Variants in NELL1 observed in about 807,000 individuals in gnomAD.
NELL1 encodes protein kinase C-binding protein NELL1.
NELL1 carries 76 observed loss-of-function variants against 107.4 expected under a neutral mutation model. The observed-to-expected ratio is 0.71, with a 90% CI of 0.59 to 0.86. The LOEUF (loss-of-function observed/expected upper bound fraction) is 0.86. Ranked by LOEUF, NELL1 falls within the 40% of genes least tolerant of loss-of-function variation. The pLI is 0.00. For synonymous variants in NELL1, 353 were observed against 341.2 expected, an observed-to-expected ratio of 1.03 and a Z score of -0.38; for missense variants, 1,024 against 1,005.5, an observed-to-expected ratio of 1.02 and a Z score of -0.25.
chr11:21,239,900 C>T (rs987598317), intron 14 of NELL1, among the ~76,000 whole-genome samples: 2 of 151,944 alleles, frequency 1.3e-5, no homozygotes, highest in Non-Finnish European at 2.9e-5. Context: ...GAGATATTTG[C>T]TCTGCTGATA....
intron 13 of NELL1, among the ~76,000 whole-genome samples, chr11:21,150,168 G>A (rs1445776500): frequency 6.6e-6 from 1 of 152,180 alleles, no homozygotes; most frequent in Non-Finnish European, 1.5e-5. Flanking sequence ...GATGTCACAG[G>A]AGTTCCTTGA....
chr11:21,209,517 C>A (rs956820698), intron 13 of NELL1, among the ~76,000 whole-genome samples: 26 of 151,720 alleles, frequency 1.7e-4, no homozygotes, highest in African/African-American at 5.6e-4. Flanking sequence ...GTTTTTACAT[C>A]CCCTTCTTAA....
At chr11:21,558,260 A>G (rs990663207) in intron 16 of NELL1, among the ~76,000 whole-genome samples, 1 of 152,020 alleles carries the variant, frequency 6.6e-6, no homozygotes, top group Non-Finnish European at 1.5e-5. Context: ...ATAGGAAACA[A>G]TATGGCCTCT....
chr11:21,495,315 AT>A (rs2133922883), intron 15 of NELL1, among the ~76,000 whole-genome samples: 1 of 152,148 alleles, frequency 6.6e-6, no homozygotes, highest in South Asian at 2.1e-4. Context: ...AGGTTCACTC[AT>A]GTTATAGCAT....
chr11:21,026,998 A>C (rs16907291), intron 12 of NELL1, among the ~76,000 whole-genome samples: 1 of 152,012 alleles, frequency 6.6e-6, no homozygotes, highest in African/African-American at 2.4e-5. Context: ...ATGACATGGC[A>C]TTTCCCAGCA....
intron 2 of NELL1, among the ~76,000 whole-genome samples, chr11:20,727,548 C>G (rs943072463): frequency 1.3e-5 from 2 of 152,104 alleles, no homozygotes; most frequent in East Asian, 1.9e-4. Flanking sequence ...CTGTAGGTTG[C>G]CTGTTCACTC....
intron 3 of NELL1, among the ~76,000 whole-genome samples, chr11:20,841,423 C>A (rs1340583910): frequency 1.3e-5 from 2 of 150,204 alleles, no homozygotes; most frequent in African/African-American, 2.5e-5. Context: ...AGGGAGAAGG[C>A]GGGGTATAGA....
At chr11:20,693,758 T>C (rs373583292) in intron 2 of NELL1, among the ~76,000 whole-genome samples, 1 of 151,876 alleles carries the variant, frequency 6.6e-6, no homozygotes, top group East Asian at 1.9e-4. Flanking sequence ...CTGACAATTA[T>C]GTGTCTTGGA....
chr11:21,192,794 C>A (rs11823347), intron 13 of NELL1, among the ~76,000 whole-genome samples: 8,917 of 151,736 alleles, frequency 0.059, 309 homozygotes, highest in East Asian at 0.14. Context: ...TCTGGGCATA[C>A]AATTAGTCTA....
intron 17 of NELL1, 135 bp downstream of exon 17, chr11:21,560,517 A>T (rs753508754): frequency 1.4e-6 from 1 of 728,856 alleles, no homozygotes; most frequent in Non-Finnish European, 2.2e-6. Flanking sequence ...TATCTACATT[A>T]CAGCTAATGA....
At chr11:21,165,314 GC>G (rs1248304051) in intron 13 of NELL1, among the ~76,000 whole-genome samples, 1 of 152,056 alleles carries the variant, frequency 6.6e-6, no homozygotes, top group African/African-American at 2.4e-5. Flanking sequence ...TCTCAGGTAG[GC>G]CCAAATTTTA....
chr11:21,371,066 G>C (rs1463593712), intron 15 of NELL1, 118 bp downstream of exon 15: 3 of 757,340 alleles, frequency 4.0e-6, no homozygotes, highest in Non-Finnish European at 4.2e-6. Flanking sequence ...ACATTGTGTT[G>C]TGACGGTGGA....
At chr11:20,799,546 T>C (rs1564913864) in intron 3 of NELL1, among the ~76,000 whole-genome samples, 1 of 152,184 alleles carries the variant, frequency 6.6e-6, no homozygotes, top group African/African-American at 2.4e-5. Context: ...CTTTCCCCCT[T>C]CTTATTGATT....
chr11:21,227,945 T>C (rs1857936615), intron 13 of NELL1, among the ~76,000 whole-genome samples: 1 of 152,182 alleles, frequency 6.6e-6, no homozygotes. Flanking sequence ...AAAATAAAAA[T>C]AAATGAAGAT....
chr11:21,199,659 T>A (rs1463544117), intron 13 of NELL1, among the ~76,000 whole-genome samples: 1 of 152,180 alleles, frequency 6.6e-6, no homozygotes, highest in African/African-American at 2.4e-5. Flanking sequence ...TTCTTTTTTT[T>A]AATTATACTT....
chr11:21,145,296 G>A (rs922511616), intron 13 of NELL1, among the ~76,000 whole-genome samples: 2 of 152,114 alleles, frequency 1.3e-5, no homozygotes, highest in Non-Finnish European at 2.9e-5. Context: ...CTTATAAGTG[G>A]TAGAATTGGT....
chr11:20,929,395 A>G (rs1025033321), intron 9 of NELL1, among the ~76,000 whole-genome samples: 61 of 152,236 alleles, frequency 4.0e-4, no homozygotes, highest in Admixed American at 1.8e-3. Context: ...CAGCAGCCCA[A>G]ATAATTGTTG....
In NELL1 at chr11:21,574,595, C is replaced by T. The variant is rs76814512; in HGVS notation, c.2383-377C>T. Among the ~76,000 whole-genome samples the T allele has an allele frequency of 1.1e-3, 164 of 151,906 alleles. 1 individual carries two copies. The East Asian group carries it at 0.025, about 23-fold the overall frequency. Reference sequence around the variant, plus strand: ...GATTGTTGGGGGTACTTTCAAATAGCTTCTTAAATGACAAATTGCTATCTT... The same window carrying T: ...GATTGTTGGGGGTACTTTCAAATAGTTTCTTAAATGACAAATTGCTATCTT... On this transcript the variant is annotated intron_variant, in intron 19 of 19. Transcript: ENST00000357134.
intron 14 of NELL1, among the ~76,000 whole-genome samples, chr11:21,316,173 A>G (rs576122518): frequency 6.4e-4 from 97 of 152,070 alleles, no homozygotes; most frequent in African/African-American, 2.1e-3. Flanking sequence ...TTCCATCACC[A>G]CAGCTAAATC....
Sources: allele counts gnomAD v4.1 joint callset (sites outside exome capture counted in the v4.1 genomes callset), GRCh38; gene constraint gnomAD v4.1.1; transcripts MANE v1.5; gene names NCBI Gene and HGNC (gene_info 2026-07-23, HGNC 2026-07-21).